The following MPO variants were observed in gnomAD, a reference collection of about 807,000 sequenced individuals.
MPO encodes the protein myeloperoxidase.
Under a neutral mutation model 69.4 loss-of-function variants are expected in MPO, and 57 were observed. The ratio of observed to expected loss-of-function variants is 0.82; its 90% CI spans 0.66 to 1.02. The LOEUF is 1.02. Ranked by LOEUF, MPO falls within the 50% of genes least tolerant of loss-of-function variation. MPO has a pLI of 0.00. For missense variants in MPO, 971 were observed against 1,014.1 expected (o/e 0.96, Z 0.58); for synonymous variants, 426 against 417.1 (o/e 1.02, Z -0.26).
intron 8 of MPO, among the ~76,000 whole-genome samples, chr17:58,274,920 A>G (rs944998494): frequency 1.4e-4 from 22 of 152,126 alleles, no homozygotes; most frequent in African/African-American, 5.1e-4. Flanking sequence ...GCTGGAGTGC[A>G]GCAGCGCCAT....
At position 58,271,769 on chromosome 17, in the gene MPO, T is replaced by C. The variant is rs1194375420; in HGVS notation, c.1916A>G (p.Asn639Ser). 1.9e-6 allele frequency: 3 copies of C among 1,614,102 alleles called. No individual in the cohort carries two copies. Among genetic ancestry groups the C allele is most frequent in the East Asian group, 4.5e-5 (2 of 44,884 alleles). ...CACGCCGCCCATCCAGATGTCGATGTTGTTGGGCGTGCCATACTGCTCCAT... is the reference window on the plus strand; with the variant it reads ...CACGCCGCCCATCCAGATGTCGATGCTGTTGGGCGTGCCATACTGCTCCAT... ...KLMEQYGTPN[N>S]IDIWMGGVSE... The change falls in exon 11 of 12, where the codon AAC becomes AGC. Residue 639 changes from asparagine to serine, a missense_variant. Asn to Ser is a conservative substitution (Grantham distance 46, BLOSUM62 1). Coordinates refer to ENST00000225275, the MANE Select transcript of MPO (RefSeq NM_000250.2).
intron 8 of MPO, chr17:58,274,144 T>C: frequency 2.0e-6 from 1 of 489,248 alleles, no homozygotes. Context: ...TCAGTTTAGG[T>C]TTGTGGAAAG....
chr17:58,280,447 T>TC lies in MPO; in HGVS notation c.166dup (p.Glu56GlyfsTer62). On this transcript the variant is annotated frameshift_variant, in exon 2 of 12. Transcript: ENST00000225275. LOFTEE classifies it high-confidence loss of function. ...GCTCAGCACCAACGAGGTGTCCACC[T>TC]CCCCCAGGACAGCTGCCCAGAGCAG... 6.2e-7 allele frequency: 1 copy of TC among 1,613,680 alleles called. No homozygotes were observed. The highest frequency in any genetic ancestry group is 8.5e-7 in the Non-Finnish European group (1 of 1,179,886).
In MPO at chr17:58,271,707, G is replaced by A. The variant is rs762582461; in HGVS notation, c.1978C>T (p.Leu660Phe). ...TGGGTACCGATGATGCAGGCGAGGA[G>A]TGGGCCCACGCGGCCTTTGCGCTTC... ...PLKRKGRVGP[L>F]LACIIGTQFR... Residue 660 changes from leucine (L) to phenylalanine (F), a missense_variant, in exon 11 of 12, where the codon CTC (leucine) becomes TTC (phenylalanine). Physicochemically the swap from Leu to Phe is conservative, Grantham distance 22. Transcript: ENST00000225275. 4 of 1,613,864 alleles carry A rather than the reference G, an allele frequency of 2.5e-6. No homozygotes were observed. In the African/African-American group the frequency reaches 4.0e-5, roughly 16 times the overall value.
chr17:58,271,686 T>C lies in MPO; in HGVS notation c.1999A>G (p.Thr667Ala). The change falls in exon 11 of 12, where the codon ACC (threonine) becomes GCC (alanine). Residue 667 changes from threonine to alanine, a missense_variant. Thr to Ala is a moderately conservative substitution (Grantham distance 58). Coordinates refer to ENST00000225275, the MANE Select transcript of MPO (RefSeq NM_000250.2). ...VGPLLACIIGTQFRKLRDGDR... is the reference protein window; with the variant it reads ...VGPLLACIIGAQFRKLRDGDR... ...CCATCCCGGAGCTTCCTGAACTGGG[T>C]ACCGATGATGCAGGCGAGGAGTGGG... 6.2e-7 allele frequency: 1 copy of C among 1,613,890 alleles called. No homozygotes were observed. Among genetic ancestry groups the C allele is most frequent in the East Asian group, 2.2e-5 (1 of 44,872 alleles).
Position 58,278,023 on chromosome 17 carries a change from G to A in MPO, c.1008C>T (p.Phe336=), listed in dbSNP as rs146342260. Residue 336 remains phenylalanine (F), a synonymous_variant, in exon 7 of 12, where the codon TTC becomes TTT. Transcript: ENST00000225275. Reference sequence around the variant, plus strand: ...TGCCGTACACCATGCTGGCGTCCACGAAGGAAGTGAGCGCGTTGATCTGGT... The same window carrying A: ...TGCCGTACACCATGCTGGCGTCCACAAAGGAAGTGAGCGCGTTGATCTGGT... ...IRNQINALTS[F]VDASMVYGSE... is the part of the protein sequence containing the mutation. 153 of 1,613,846 alleles carry A rather than the reference G, an allele frequency of 9.5e-5. 2 individuals carry two copies. The African/African-American group carries it at 1.9e-3, about 20-fold the overall frequency.
In MPO at chr17:58,278,100, G is replaced by C; in HGVS notation, c.931C>G (p.Pro311Ala). 1 of 1,606,988 alleles carries C rather than the reference G, an allele frequency of 6.2e-7. No homozygotes were observed. Among genetic ancestry groups the C allele is most frequent in the Non-Finnish European group, 8.5e-7 (1 of 1,179,974 alleles). The stretch of plus-strand genomic sequence containing the variant: ...CAAGCCGGGCAGGAGCGGAAGAACG[G>C]GATGCAGTCGGCTTGGTTCTTGATG... The part of the protein sequence containing the change: ...PRIKNQADCI[P>A]FFRSCPACPG... Residue 311 changes from proline to alanine, a missense_variant, in exon 7 of 12, where the codon CCG (proline) becomes GCG (alanine). Physicochemically the swap from Pro to Ala is conservative, Grantham distance 27 (BLOSUM62 -1). Transcript: ENST00000225275.
At chr17:58,278,183 G>T (rs751619204) in intron 6 of MPO, 38 bp from the exon 7 acceptor site, 1 of 1,595,660 alleles carries the variant, frequency 6.3e-7, no homozygotes, top group East Asian at 2.2e-5. Flanking sequence ...CTCACCGAGG[G>T]CAAGGAAGGT....
Position 58,269,939 on chromosome 17 carries a change from T to C in MPO, c.*717A>G, listed in dbSNP as rs1331105865. The C allele has an allele frequency of 6.5e-6, 1 of 153,854 alleles. No homozygotes were observed. The highest frequency in any genetic ancestry group is 1.4e-5 in the Non-Finnish European group (1 of 69,186). 9.5% of individuals were successfully genotyped at this position (153,854 alleles called of 1,614,324 possible). On this transcript the variant is annotated 3_prime_UTR_variant, in exon 12 of 12. Transcript: ENST00000225275. ...CAGAAAGGGCAACAGGCCCAGTTCC[T>C]CTTCAGGAGAACTTCAGTGAATAAG...
chr17:58,278,778 G>A (rs1970472490), intron 6 of MPO: 1 of 611,780 alleles, frequency 1.6e-6, no homozygotes. Flanking sequence ...CTCTCCCTTG[G>A]CCTGCCAGAG....
rs1442883976 is a variant in MPO, at chr17:58,275,963, G to A, written c.1205-261C>T. On this transcript the variant is annotated intron_variant, in intron 7 of 11. Transcript: ENST00000225275. This position sits in a 1 kb window ranked among gnomAD's most constrained non-coding sequence, Gnocchi z 4.1. Reference sequence around the variant, plus strand: ...TCAATAGGTATCACTTCCAACACATGACATGCCACTTTCCTGTACCTGAAA... The same window carrying A: ...TCAATAGGTATCACTTCCAACACATAACATGCCACTTTCCTGTACCTGAAA... Among the ~76,000 whole-genome samples, 1 of 152,190 alleles carries A rather than the reference G, an allele frequency of 6.6e-6. No individual in the cohort carries two copies. The highest frequency in any genetic ancestry group is 1.5e-5 in the Non-Finnish European group (1 of 68,030).
At position 58,279,154 on chromosome 17, in the gene MPO, C is replaced by T. The variant is rs1186903070; in HGVS notation, c.739G>A (p.Glu247Lys). ...CATTGCATGAACATGAGTGAGCGCT[C>T]CTGGTCCGGAGTCAGCTGATCAGTG... ...FPTDQLTPDQ[E>K]RSLMFMQWGQ... The change falls in exon 6 of 12, where the codon GAG becomes AAG. Residue 247 changes from glutamate to lysine, a missense_variant. By Grantham distance (56) the Glu-to-Lys change is moderately conservative (BLOSUM62 1). Coordinates refer to ENST00000225275, the MANE Select transcript of MPO (RefSeq NM_000250.2). 1 of 1,612,428 alleles carries T rather than the reference C, an allele frequency of 6.2e-7. No homozygotes were observed. The highest frequency in any genetic ancestry group is 2.2e-5 in the East Asian group (1 of 44,818).
intron 2 of MPO, 21 bp downstream of exon 2, chr17:58,280,345 G>A (rs1287248927): frequency 1.2e-6 from 2 of 1,611,718 alleles, no homozygotes; most frequent in Non-Finnish European, 1.7e-6. Flanking sequence ...GCCCAGAGCT[G>A]GGCAGTGCCT....
intron 1 of MPO, 37 bp downstream of exon 1, chr17:58,280,568 C>T (rs749438887): frequency 1.2e-6 from 2 of 1,614,152 alleles, no homozygotes; most frequent in Non-Finnish European, 1.7e-6. Flanking sequence ...CACAACCACC[C>T]CAACACACCA....
At position 58,270,963 on chromosome 17, in the gene MPO, C is replaced by T; in HGVS notation, c.2031-100G>A. 7.4e-7 allele frequency: 1 copy of T among 1,343,276 alleles called. No homozygotes were observed. The highest frequency in any genetic ancestry group is 1.2e-5 in the South Asian group (1 of 82,434). The allele number at this position is 1,343,276 out of a possible 1,614,324, so 83.2% of individuals were successfully genotyped here. On this transcript the variant is annotated intron_variant, in intron 11 of 11. Coordinates refer to ENST00000225275, the MANE Select transcript of MPO (RefSeq NM_000250.2). The surrounding 1 kb of genome is among the most constrained non-coding windows in gnomAD (Gnocchi z 4.1). ...CTCCCAGGATATAACAAAGCCACAA[C>T]AAATGCCACCTGGAAGCACAGGAGG...
rs1355212659 is a variant in MPO at position 58,270,380 on chromosome 17, C to T, written c.*276G>A. On this transcript the variant is annotated 3_prime_UTR_variant, in exon 12 of 12. Transcript: ENST00000225275. This position sits in a 1 kb window ranked among gnomAD's most constrained non-coding sequence, Gnocchi z 4.1. Reference sequence around the variant, plus strand: ...CTCACCAGTCCGCTCTGCTGCCTTCCACATACTCAGTATTCTCATCAGCAC... The same window carrying T: ...CTCACCAGTCCGCTCTGCTGCCTTCTACATACTCAGTATTCTCATCAGCAC... The T allele has an allele frequency of 6.4e-6, 3 of 465,884 alleles. No homozygotes were observed. Among genetic ancestry groups the T allele is most frequent in the Non-Finnish European group, 8.0e-6 (2 of 249,434 alleles). 28.9% of individuals were successfully genotyped at this position (465,884 alleles called of 1,614,324 possible).
Position 58,272,634 on chromosome 17 carries a change from C to A in MPO, c.1792+114G>T, listed in dbSNP as rs540553196. Reference sequence around the variant, plus strand: ...AGGCTACTTCCTGAGAGCAAAGTGCCTCTAATATGCTTTGGAGAGGGCAGG... The same window carrying A: ...AGGCTACTTCCTGAGAGCAAAGTGCATCTAATATGCTTTGGAGAGGGCAGG... On this transcript the variant is annotated intron_variant, in intron 10 of 11. Transcript: ENST00000225275. 3.2e-6 allele frequency: 4 copies of A among 1,265,672 alleles called. No homozygotes were observed. In the African/African-American group the frequency reaches 4.4e-5, roughly 14 times the overall value. 78.4% of individuals were successfully genotyped at this position (1,265,672 alleles called of 1,614,324 possible). A position where few individuals can be genotyped will look rare whatever the true frequency, so the allele number is the denominator to read the frequency against.
intron 9 of MPO, 44 bp downstream of exon 9, chr17:58,273,370 C>T: frequency 6.2e-7 from 1 of 1,613,774 alleles, no homozygotes; most frequent in Admixed American, 1.7e-5. Flanking sequence ...CCTACCCCAC[C>T]TTTAGCTGTC....
chr17:58,274,347 AGTGTGTGTGTGTGT>A (rs55893734), intron 8 of MPO: 25 of 334,642 alleles, frequency 7.5e-5, no homozygotes, highest in South Asian at 2.1e-4. Flanking sequence ...AGAATCTAGG[AGTGTGTGTGTGTGT>A]GTGTGTGTGT....
Sources: gnomAD v4.1 joint callset for allele counts (sites outside exome capture counted in the v4.1 genomes callset) on GRCh38, gnomAD v4.1.1 for gene constraint, Gnocchi (gnomAD v3.1) non-coding constraint, MANE v1.5 for transcripts, NCBI Gene and HGNC (gene_info 2026-07-23, HGNC 2026-07-21) for gene names.